Variants in ARL15 observed in about 807,000 individuals in gnomAD.
The protein encoded by ARL15 is ADP-ribosylation factor-like protein 15.
Under a neutral mutation model 25.2 loss-of-function variants are expected in ARL15, and 19 were observed. That is an observed-to-expected ratio of 0.75 (90% CI 0.53 to 1.10). ARL15 has a LOEUF of 1.10. Ranked by LOEUF, ARL15 falls within the 50% of genes least tolerant of loss-of-function variation. The pLI, the probability that ARL15 is intolerant of heterozygous loss-of-function variation, is 0.00. For synonymous variants in ARL15, 94 were observed against 86.8 expected, an observed-to-expected ratio of 1.08 and a Z score of -0.46; for missense variants, 220 against 246.0, an observed-to-expected ratio of 0.89 and a Z score of 0.71.
intron 1 of ARL15, among the ~76,000 whole-genome samples, chr5:54,191,630 C>T (rs963047537): frequency 5.9e-5 from 9 of 152,098 alleles, no homozygotes; most frequent in African/African-American, 1.4e-4. Context: ...CTTGGCACCC[C>T]TTTTTCTCTC....
intron 3 of ARL15, among the ~76,000 whole-genome samples, chr5:54,122,424 C>T (rs549744359): frequency 1.6e-4 from 25 of 152,240 alleles, no homozygotes; most frequent in Non-Finnish European, 3.5e-4. Flanking sequence ...CACATGTGCA[C>T]GTGCATGCGT....
chr5:54,019,012 T>C (rs1251899064), intron 4 of ARL15, among the ~76,000 whole-genome samples: 1 of 152,206 alleles, frequency 6.6e-6, no homozygotes, highest in East Asian at 1.9e-4. Flanking sequence ...TTGAGTTCTT[T>C]ATTGTTAAAC....
In ARL15 at chr5:54,122,869, C is replaced by T. The variant is rs114830168; in HGVS notation, c.254-9459G>A. On this transcript the variant is annotated intron_variant, in intron 3 of 4. Coordinates refer to ENST00000504924, the MANE Select transcript of ARL15 (RefSeq NM_019087.3). ...TTTCACTGGTTACCTGTCTCCATAGCTCTACTAAATAATTTTTATAAAATA... is the reference window on the plus strand; with the variant it reads ...TTTCACTGGTTACCTGTCTCCATAGTTCTACTAAATAATTTTTATAAAATA... Among the ~76,000 whole-genome samples, 791 of 152,246 alleles carry T rather than the reference C, an allele frequency of 5.2e-3. 2 individuals are homozygous for T. Among genetic ancestry groups the T allele is most frequent in the Non-Finnish European group, 8.2e-3 (555 of 68,014 alleles).
chr5:53,958,002 G>A (rs1002400603), intron 4 of ARL15, among the ~76,000 whole-genome samples: 3 of 151,942 alleles, frequency 2.0e-5, no homozygotes, highest in Non-Finnish European at 4.4e-5. Context: ...CTGAGGTCAG[G>A]GGTTCAAGAC....
At chr5:53,972,742 A>T (rs1416515642) in intron 4 of ARL15, among the ~76,000 whole-genome samples, 1 of 152,160 alleles carries the variant, frequency 6.6e-6, no homozygotes, top group African/African-American at 2.4e-5. Context: ...AACATAAAAT[A>T]TGAACCTGTT....
At chr5:54,003,486 A>G (rs1748913145) in intron 4 of ARL15, among the ~76,000 whole-genome samples, 1 of 152,192 alleles carries the variant, frequency 6.6e-6, no homozygotes, top group Non-Finnish European at 1.5e-5. Context: ...ATTCTGCTGA[A>G]GGTCTTTCAT....
intron 1 of ARL15, among the ~76,000 whole-genome samples, chr5:54,286,506 T>C (rs1561296005): frequency 1.3e-5 from 2 of 152,256 alleles, no homozygotes; most frequent in African/African-American, 4.8e-5. Context: ...AAAAGCCATC[T>C]AGCAGAAATA....
chr5:54,245,264 A>T (rs1049834828), intron 1 of ARL15, among the ~76,000 whole-genome samples: 1 of 152,208 alleles, frequency 6.6e-6, no homozygotes, highest in Non-Finnish European at 1.5e-5. Flanking sequence ...TACGAAAAAG[A>T]AAATCTATGG....
chr5:54,114,288 C>A lies in ARL15; in HGVS notation c.254-878G>T, dbSNP rs536950578. Among the ~76,000 whole-genome samples the A allele has an allele frequency of 2.0e-5, 3 of 150,940 alleles. No individual in the cohort carries two copies. The South Asian group carries it at 6.3e-4, about 32-fold the overall frequency. On this transcript the variant is annotated intron_variant, in intron 3 of 4. Coordinates refer to ENST00000504924, the MANE Select transcript of ARL15 (RefSeq NM_019087.3). ...CGGCGGGTGCCTGTAATCCCAGCTA[C>A]TTGGGAAGCTAAGGCTGAGGCAGGA...
intron 4 of ARL15, among the ~76,000 whole-genome samples, chr5:53,960,529 T>C (rs1490064635): frequency 6.6e-6 from 1 of 152,216 alleles, no homozygotes; most frequent in African/African-American, 2.4e-5. Flanking sequence ...TTCTATTCTG[T>C]TGTGACAGGA....
At chr5:53,890,065 G>A (rs1162956739) in intron 4 of ARL15, among the ~76,000 whole-genome samples, 1 of 152,024 alleles carries the variant, frequency 6.6e-6, no homozygotes, top group African/African-American at 2.4e-5. Flanking sequence ...TGCCCACCTT[G>A]GCCTCCCAAA....
At chr5:54,277,644 C>A (rs1346566994) in intron 1 of ARL15, among the ~76,000 whole-genome samples, 5 of 151,756 alleles carry the variant, frequency 3.3e-5, no homozygotes, top group Non-Finnish European at 7.4e-5. Flanking sequence ...CCCAGCTACT[C>A]GGGAGGCTGA....
intron 1 of ARL15, among the ~76,000 whole-genome samples, chr5:54,174,783 G>C (rs1754816526): frequency 6.6e-6 from 1 of 152,232 alleles, no homozygotes; most frequent in Admixed American, 6.5e-5. Flanking sequence ...TTTTCTCAGA[G>C]ATAGGTTTAT....
chr5:54,080,446 T>G (rs1425356694), intron 4 of ARL15, among the ~76,000 whole-genome samples: 2 of 152,226 alleles, frequency 1.3e-5, no homozygotes, highest in African/African-American at 4.8e-5. Flanking sequence ...CAGTAAATTA[T>G]TTTTTACATA....
rs1207567866 is a variant in ARL15 at position 54,188,659 on chromosome 5, A to G, written c.49-16731T>C. Among the ~76,000 whole-genome samples the G allele has an allele frequency of 2.0e-5, 3 of 152,320 alleles. No homozygotes were observed. In the East Asian group the frequency reaches 5.8e-4, roughly 29 times the overall value. On this transcript the variant is annotated intron_variant, in intron 1 of 4. Coordinates refer to ENST00000504924, the MANE Select transcript of ARL15 (RefSeq NM_019087.3). ...ACAAGAGGAATAAGACATCACCAGAAAAATGCAAGAATTCTCTGATATGTA... is the reference window on the plus strand; with the variant it reads ...ACAAGAGGAATAAGACATCACCAGAGAAATGCAAGAATTCTCTGATATGTA...
chr5:53,976,830 A>G (rs1747941956), intron 4 of ARL15, among the ~76,000 whole-genome samples: 1 of 152,114 alleles, frequency 6.6e-6, no homozygotes, highest in South Asian at 2.1e-4. Context: ...CCTGAAGAAG[A>G]CGGGCAGCCC....
At position 53,891,163 on chromosome 5, in the gene ARL15, C is replaced by T. The variant is rs74458885; in HGVS notation, c.463-4450G>A. Among the ~76,000 whole-genome samples, 83 of 152,248 alleles carry T rather than the reference C, an allele frequency of 5.5e-4. No individual in the cohort carries two copies. In the East Asian group the frequency reaches 9.9e-3, roughly 18 times the overall value. On this transcript the variant is annotated intron_variant, in intron 4 of 4. Coordinates refer to ENST00000504924, the MANE Select transcript of ARL15 (RefSeq NM_019087.3). ...TTCTAATGGTAGGCTGCTTGTTTTT[C>T]CTCTGTTTGTTATTAAACCAGTAGT...
At chr5:54,128,995 C>T (rs544746325) in intron 3 of ARL15, among the ~76,000 whole-genome samples, 3 of 152,170 alleles carry the variant, frequency 2.0e-5, no homozygotes, top group East Asian at 3.9e-4. Context: ...TGGGCCACGG[C>T]GCCTGGCCTT....
intron 1 of ARL15, among the ~76,000 whole-genome samples, chr5:54,295,483 T>C (rs978598407): frequency 2.6e-5 from 4 of 152,080 alleles, no homozygotes; most frequent in Non-Finnish European, 5.9e-5. Context: ...GCCAGGTCAG[T>C]AGGGACCCTG....
Sources: gnomAD v4.1 joint callset for allele counts (sites outside exome capture counted in the v4.1 genomes callset) on GRCh38, gnomAD v4.1.1 for gene constraint, MANE v1.5 for transcripts, NCBI Gene and HGNC (gene_info 2026-07-23, HGNC 2026-07-21) for gene names.